DRC11: variants seen among roughly 807,000 people sequenced by gnomAD.
DRC11 encodes the protein dynein regulatory complex subunit 11, also known as IQ and AAA domain-containing protein 1.
the DRC11 span, among the ~76,000 whole-genome samples, chr2:236,411,553 C>T: frequency 3.3e-5 from 5 of 151,978 alleles, no homozygotes; most frequent in African/African-American, 9.7e-5. Flanking sequence ...TGGGTATATA[C>T]CCAAAGGATT....
At chr2:236,448,300 G>C in the DRC11 span, among the ~76,000 whole-genome samples, 1 of 152,154 alleles carries the variant, frequency 6.6e-6, no homozygotes, top group Non-Finnish European at 1.5e-5. The surrounding 1 kb of genome is among the most constrained non-coding windows in gnomAD (Gnocchi z 5.3). Flanking sequence ...TAACTAGGGA[G>C]GACCTCTCTG....
chr2:236,344,898 C>A, the DRC11 span, among the ~76,000 whole-genome samples: 1 of 148,418 alleles, frequency 6.7e-6, no homozygotes, highest in East Asian at 2.0e-4. Flanking sequence ...GTGTGCAGAG[C>A]CCTGGTTGTA....
the DRC11 span, among the ~76,000 whole-genome samples, chr2:236,378,619 G>A: frequency 6.6e-6 from 1 of 151,302 alleles, no homozygotes; most frequent in Non-Finnish European, 1.5e-5. Context: ...AGGTTGCAGT[G>A]AGCTGAGATG....
chr2:236,345,248 A>C, the DRC11 span, among the ~76,000 whole-genome samples: 1 of 152,242 alleles, frequency 6.6e-6, no homozygotes, highest in African/African-American at 2.4e-5. Flanking sequence ...CTGCACAGGC[A>C]CAGAAATGTG....
At chr2:236,320,170 C>A in the DRC11 span, among the ~76,000 whole-genome samples, 1 of 152,226 alleles carries the variant, frequency 6.6e-6, no homozygotes, top group Admixed American at 6.5e-5. Flanking sequence ...GTTTCAGGTG[C>A]TTTCACACAT....
At chr2:236,422,057 C>G in the DRC11 span, among the ~76,000 whole-genome samples, 1 of 152,276 alleles carries the variant, frequency 6.6e-6, no homozygotes, top group East Asian at 1.9e-4. Context: ...GGACGTATTT[C>G]AAAATAATAA....
chr2:236,480,428 CT>C, the DRC11 span, among the ~76,000 whole-genome samples: 3 of 151,878 alleles, frequency 2.0e-5, no homozygotes, highest in African/African-American at 4.8e-5. Context: ...CCTTTTCATT[CT>C]TTTTTTTCCC....
At chr2:236,432,272 G>T in the DRC11 span, among the ~76,000 whole-genome samples, 1 of 152,030 alleles carries the variant, frequency 6.6e-6, no homozygotes, top group Admixed American at 6.6e-5. Flanking sequence ...TGACTGAATT[G>T]TTTGTCTTCT....
At chr2:236,345,786 A>G in the DRC11 span, among the ~76,000 whole-genome samples, 1 of 152,264 alleles carries the variant, frequency 6.6e-6, no homozygotes, top group Non-Finnish European at 1.5e-5. Flanking sequence ...TGTGACAGAT[A>G]AAAGCCATGG....
At chr2:236,350,531 AAGCACAGCC>A in the DRC11 span, among the ~76,000 whole-genome samples, 5 of 152,234 alleles carry the variant, frequency 3.3e-5, no homozygotes, top group Admixed American at 3.3e-4. The surrounding 1 kb of genome is among the most constrained non-coding windows in gnomAD (Gnocchi z 5.2). Context: ...CATGTGTGCC[AAGCACAGCC>A]AGCGGCTCTC....
the DRC11 span, among the ~76,000 whole-genome samples, chr2:236,412,036 T>G: frequency 6.6e-6 from 1 of 151,430 alleles, no homozygotes; most frequent in Non-Finnish European, 1.5e-5. Context: ...CCCTAAAACT[T>G]AAAGTATAAT....
chr2:236,346,261 G>A, the DRC11 span, among the ~76,000 whole-genome samples: 1 of 152,222 alleles, frequency 6.6e-6, no homozygotes, highest in Non-Finnish European at 1.5e-5. Context: ...GTTGTGCCCA[G>A]CATCACACAT....
chr2:236,364,606 C>A, the DRC11 span, among the ~76,000 whole-genome samples: 1 of 152,120 alleles, frequency 6.6e-6, no homozygotes, highest in Admixed American at 6.6e-5. Flanking sequence ...CCGTGTTCTC[C>A]ACCACACTGT....
At chr2:236,356,822 T>C in the DRC11 span, among the ~76,000 whole-genome samples, 10 of 151,008 alleles carry the variant, frequency 6.6e-5, no homozygotes, top group Non-Finnish European at 1.3e-4. Context: ...CCTTATAACT[T>C]CTTTCACCTG....
At chr2:236,371,256 C>T in the DRC11 span, among the ~76,000 whole-genome samples, 77 of 152,166 alleles carry the variant, frequency 5.1e-4, no homozygotes, top group Non-Finnish European at 9.0e-4. This position sits in a 1 kb window ranked among gnomAD's most constrained non-coding sequence, Gnocchi z 5.1. Context: ...TCTGGAGCAA[C>T]GGAATAGGCA....
the DRC11 span, among the ~76,000 whole-genome samples, chr2:236,359,676 C>T: frequency 3.7e-4 from 57 of 152,258 alleles, no homozygotes; most frequent in African/African-American, 1.2e-3. The surrounding 1 kb of genome is among the most constrained non-coding windows in gnomAD (Gnocchi z 4.3). Flanking sequence ...AGCTTCCTGC[C>T]GTCAACGTAC....
chr2:236,482,635 A>C, the DRC11 span, among the ~76,000 whole-genome samples: 1 of 152,168 alleles, frequency 6.6e-6, no homozygotes, highest in Non-Finnish European at 1.5e-5. This position sits in a 1 kb window ranked among gnomAD's most constrained non-coding sequence, Gnocchi z 4.5. Flanking sequence ...ATAGTTTAGC[A>C]TATCTGAAAT....
the DRC11 span, among the ~76,000 whole-genome samples, chr2:236,340,233 T>G: frequency 6.6e-6 from 1 of 152,234 alleles, no homozygotes. Context: ...TGGGTTCAAG[T>G]GATTCTTGTG....
At chr2:236,325,940 G>A in the DRC11 span, among the ~76,000 whole-genome samples, 4 of 152,292 alleles carry the variant, frequency 2.6e-5, no homozygotes, top group East Asian at 1.9e-4. The surrounding 1 kb of genome is among the most constrained non-coding windows in gnomAD (Gnocchi z 4.4). Flanking sequence ...CCTGTCTCTT[G>A]TATGCCAGTT....
Sources: gnomAD v4.1 joint callset for allele counts (sites outside exome capture counted in the v4.1 genomes callset) on GRCh38, gnomAD v4.1.1 for gene constraint, Gnocchi (gnomAD v3.1) non-coding constraint, MANE v1.5 for transcripts, NCBI Gene and HGNC (gene_info 2026-07-23, HGNC 2026-07-21) for gene names.